The following SAMD5 variants were observed in gnomAD, a reference collection of about 807,000 sequenced individuals.
SAMD5 encodes the protein sterile alpha motif domain-containing protein 5.
Under a neutral mutation model 11.3 loss-of-function variants are expected in SAMD5, and 13 were observed. The observed-to-expected ratio is 1.15, with a 90% CI of 0.75 to 1.83. The LOEUF is 1.83. Among genes scored for constraint, SAMD5 ranks in the 40% most tolerant of loss-of-function variants. The pLI is 0.00. For synonymous variants in SAMD5, 129 were observed against 111.3 expected, an observed-to-expected ratio of 1.16 and a Z score of -1.00; for missense variants, 255 against 239.1, an observed-to-expected ratio of 1.07 and a Z score of -0.44.
chr6:147,903,368 C>T, the SAMD5 span, among the ~76,000 whole-genome samples: 2 of 152,074 alleles, frequency 1.3e-5, no homozygotes, highest in Non-Finnish European at 2.9e-5. Flanking sequence ...CATCTGAGTC[C>T]ATTTCTAACA....
chr6:147,873,615 G>A, the SAMD5 span, among the ~76,000 whole-genome samples: 1 of 152,044 alleles, frequency 6.6e-6, no homozygotes, highest in Non-Finnish European at 1.5e-5. Flanking sequence ...AATGCTAATG[G>A]TACTTACTAG....
chr6:147,800,527 T>C, the SAMD5 span, among the ~76,000 whole-genome samples: 1 of 152,330 alleles, frequency 6.6e-6, no homozygotes, highest in South Asian at 2.1e-4. Flanking sequence ...TCTTTGTTTG[T>C]CTGTGCCCTG....
the SAMD5 span, among the ~76,000 whole-genome samples, chr6:147,912,218 G>A: frequency 2.6e-5 from 4 of 152,100 alleles, no homozygotes; most frequent in Admixed American, 6.5e-5. Context: ...AAACTTCTTA[G>A]TGGGAAAAAC....
At chr6:147,916,273 T>C in the SAMD5 span, among the ~76,000 whole-genome samples, 2 of 152,120 alleles carry the variant, frequency 1.3e-5, no homozygotes, top group Non-Finnish European at 2.9e-5. Context: ...TACCCAGTAA[T>C]GGGATGGCTG....
chr6:147,705,803 C>T (rs1163200231), intron 1 of SAMD5, among the ~76,000 whole-genome samples: 1 of 152,154 alleles, frequency 6.6e-6, no homozygotes, highest in Non-Finnish European at 1.5e-5. Context: ...TAATTATTTA[C>T]ATATGCATTG....
the SAMD5 span, among the ~76,000 whole-genome samples, chr6:147,753,945 A>G: frequency 1.1e-3 from 174 of 152,234 alleles, no homozygotes; most frequent in African/African-American, 4.0e-3. Context: ...TCCTTTATTC[A>G]TCTGCTGATG....
chr6:147,843,117 G>A, the SAMD5 span, among the ~76,000 whole-genome samples: 2 of 152,090 alleles, frequency 1.3e-5, no homozygotes, highest in Non-Finnish European at 2.9e-5. Flanking sequence ...ACCCACCTCG[G>A]CCTCCCAAAG....
At chr6:147,796,714 C>G in the SAMD5 span, among the ~76,000 whole-genome samples, 31 of 152,126 alleles carry the variant, frequency 2.0e-4, no homozygotes, top group Admixed American at 1.3e-4. Context: ...GAATGTTGTT[C>G]CATTTGTTTG....
chr6:147,627,009 G>A (rs992827592), intron 1 of SAMD5, among the ~76,000 whole-genome samples: 1 of 152,002 alleles, frequency 6.6e-6, no homozygotes, highest in South Asian at 2.1e-4. Flanking sequence ...GGTCATATGG[G>A]AAACCCATCC....
chr6:147,675,086 T>C (rs1790844796), intron 1 of SAMD5, among the ~76,000 whole-genome samples: 1 of 152,158 alleles, frequency 6.6e-6, no homozygotes, highest in South Asian at 2.1e-4. Context: ...TTGGCATGTA[T>C]AAAGAACCTC....
the SAMD5 span, among the ~76,000 whole-genome samples, chr6:147,921,621 T>A: frequency 2.0e-3 from 302 of 152,328 alleles, no homozygotes; most frequent in Middle Eastern, 0.01. Context: ...TAATTGTGTG[T>A]AAGCTGCAGA....
At chr6:147,850,085 A>G in the SAMD5 span, among the ~76,000 whole-genome samples, 1 of 152,168 alleles carries the variant, frequency 6.6e-6, no homozygotes, top group Non-Finnish European at 1.5e-5. Context: ...GCATTCCTTT[A>G]TTTTTATATA....
At chr6:147,690,932 T>C (rs1451834473) in intron 1 of SAMD5, among the ~76,000 whole-genome samples, 1 of 140,068 alleles carries the variant, frequency 7.1e-6, no homozygotes, top group Non-Finnish European at 1.5e-5. Context: ...GCACGGAATC[T>C]CCAGATGGTG....
At chr6:147,865,197 A>T in the SAMD5 span, among the ~76,000 whole-genome samples, 3 of 152,030 alleles carry the variant, frequency 2.0e-5, no homozygotes, top group African/African-American at 7.3e-5. Flanking sequence ...ATTCACACAG[A>T]GTGTTGGGTT....
At chr6:147,668,219 T>C (rs927423396) in intron 1 of SAMD5, among the ~76,000 whole-genome samples, 5 of 152,220 alleles carry the variant, frequency 3.3e-5, no homozygotes, top group Non-Finnish European at 2.9e-5. Flanking sequence ...TGCATCTATA[T>C]ACATACGCAC....
intron 1 of SAMD5, among the ~76,000 whole-genome samples, chr6:147,693,829 C>T (rs1198516482): frequency 3.3e-5 from 5 of 151,980 alleles, no homozygotes; most frequent in Admixed American, 6.6e-5. Flanking sequence ...ATTAGCCGGG[C>T]GTGGTGGCGG....
the SAMD5 span, among the ~76,000 whole-genome samples, chr6:147,820,000 G>A: frequency 6.6e-6 from 1 of 152,164 alleles, no homozygotes; most frequent in South Asian, 2.1e-4. Flanking sequence ...GACTGGAGAG[G>A]ACAGAAGAGA....
intron 1 of SAMD5, among the ~76,000 whole-genome samples, chr6:147,586,088 T>C (rs1044428699): frequency 2.6e-5 from 4 of 152,132 alleles, no homozygotes; most frequent in African/African-American, 9.7e-5. Context: ...GGCGCCATGA[T>C]TAATTAAGGT....
intron 1 of SAMD5, among the ~76,000 whole-genome samples, chr6:147,716,931 T>G (rs1020033869): frequency 6.6e-6 from 1 of 152,196 alleles, no homozygotes; most frequent in African/African-American, 2.4e-5. Flanking sequence ...GCTGAACTGA[T>G]TGACTTATGA....
Sources: allele counts gnomAD v4.1 joint callset (sites outside exome capture counted in the v4.1 genomes callset), GRCh38; gene constraint gnomAD v4.1.1; transcripts MANE v1.5; gene names NCBI Gene and HGNC (gene_info 2026-07-23, HGNC 2026-07-21).